Variants in PCDH15 observed in about 807,000 individuals in gnomAD.
The protein encoded by PCDH15 is protocadherin related 15.
In PCDH15, 129 loss-of-function variants were observed where a neutral mutation model predicts 178.5. That is an observed-to-expected ratio of 0.72 (90% CI 0.63 to 0.84). The LOEUF (loss-of-function observed/expected upper bound fraction) is 0.84, where lower values mean the gene tolerates loss of function less well. Ranked by LOEUF, PCDH15 falls within the 40% of genes least tolerant of loss-of-function variation. The pLI is 0.00. For missense variants in PCDH15, 2,230 were observed against 2,099.9 expected, an observed-to-expected ratio of 1.06 and a Z score of -1.21; for synonymous variants, 800 against 732.0, an observed-to-expected ratio of 1.09 and a Z score of -1.50.
intron 18 of PCDH15, among the ~76,000 whole-genome samples, chr10:54,052,590 C>A (rs1317257177): frequency 6.6e-6 from 1 of 152,082 alleles, no homozygotes; most frequent in Non-Finnish European, 1.5e-5. Flanking sequence ...ATTCTACAGG[C>A]TATTAGGTGG....
chr10:54,780,289 G>T (rs895232555), intron 1 of PCDH15, among the ~76,000 whole-genome samples: 27 of 152,078 alleles, frequency 1.8e-4, no homozygotes, highest in African/African-American at 6.5e-4. Flanking sequence ...TATATGCAAT[G>T]GACAGTTATC....
chr10:54,664,668 A>C (rs932099239), intron 1 of PCDH15, among the ~76,000 whole-genome samples: 1 of 151,978 alleles, frequency 6.6e-6, no homozygotes. Context: ...AAAGTGTAAG[A>C]TAGTAAGCCA....
In PCDH15 at chr10:54,238,677, T is replaced by TCC. The variant is rs1186937599; in HGVS notation, c.877-1747_877-1746insGG. On this transcript the variant is annotated intron_variant, in intron 8 of 37. Transcript: ENST00000644397. ...CATGCTGCCTCTCTCTCTCTCTCTC[T>TCC]CACACACACACACACACACACACAC... Among the ~76,000 whole-genome samples the TCC allele has an allele frequency of 2.1e-5, 3 of 144,362 alleles. No individual in the cohort carries two copies. The East Asian group carries it at 6.1e-4, about 29-fold the overall frequency. 94.7% of individuals were successfully genotyped at this position (144,362 alleles called of 152,430 possible).
intron 3 of PCDH15, among the ~76,000 whole-genome samples, chr10:54,455,579 G>GA (rs1249286040): frequency 2.0e-5 from 3 of 152,068 alleles, no homozygotes; most frequent in Non-Finnish European, 2.9e-5. Flanking sequence ...GTATCTGGCA[G>GA]AAAAAATTCT....
At chr10:54,646,223 G>T (rs556336764) in intron 2 of PCDH15, among the ~76,000 whole-genome samples, 31 of 152,188 alleles carry the variant, frequency 2.0e-4, no homozygotes, top group African/African-American at 7.0e-4. Flanking sequence ...CACTTTCGCA[G>T]TATAAATAAC....
chr10:55,521,658 A>G (rs1274667341), intron 2 of PCDH15, among the ~76,000 whole-genome samples: 1 of 151,966 alleles, frequency 6.6e-6, no homozygotes, highest in East Asian at 1.9e-4. Context: ...TGCAGTGAAC[A>G]TGGGCGTGCA....
chr10:55,045,083 A>G (rs1244837712), intron 2 of PCDH15, among the ~76,000 whole-genome samples: 1 of 152,100 alleles, frequency 6.6e-6, no homozygotes, highest in Non-Finnish European at 1.5e-5. Context: ...TCTCTATTAG[A>G]TGCAATACCA....
At chr10:55,205,972 G>A (rs934352999) in intron 1 of PCDH15, among the ~76,000 whole-genome samples, 9 of 151,844 alleles carry the variant, frequency 5.9e-5, no homozygotes, top group Non-Finnish European at 1.0e-4. Flanking sequence ...ATCAGATCTG[G>A]TGAGATCCAT....
intron 2 of PCDH15, among the ~76,000 whole-genome samples, chr10:54,629,450 T>A (rs1055814184): frequency 6.6e-6 from 1 of 152,090 alleles, no homozygotes; most frequent in African/African-American, 2.4e-5. Flanking sequence ...CATACGCAAA[T>A]CAATAAATTT....
At chr10:54,199,551 A>C (rs2050016810) in intron 10 of PCDH15, among the ~76,000 whole-genome samples, 1 of 139,050 alleles carries the variant, frequency 7.2e-6, no homozygotes, top group South Asian at 2.4e-4. Context: ...AAAATGTTGA[A>C]TTTAAACAAC....
chr10:55,223,407 T>G (rs1840940118), intron 1 of PCDH15, among the ~76,000 whole-genome samples: 1 of 152,122 alleles, frequency 6.6e-6, no homozygotes, highest in South Asian at 2.1e-4. Flanking sequence ...ATTATTTTGG[T>G]TTGTTTTGTA....
intron 1 of PCDH15, among the ~76,000 whole-genome samples, chr10:54,780,105 T>A (rs528420892): frequency 6.6e-6 from 1 of 152,304 alleles, no homozygotes; most frequent in Non-Finnish European, 1.5e-5. Flanking sequence ...AGTTCTCAAA[T>A]AATTCTTGCT....
chr10:55,413,283 T>C (rs1052411735), intron 2 of PCDH15, among the ~76,000 whole-genome samples: 4 of 151,320 alleles, frequency 2.6e-5, no homozygotes, highest in Non-Finnish European at 4.4e-5. Flanking sequence ...TTTCAAATCC[T>C]GGCAATAAAA....
intron 1 of PCDH15, among the ~76,000 whole-genome samples, chr10:55,223,373 T>C (rs1004412894): frequency 1.3e-5 from 2 of 152,264 alleles, no homozygotes; most frequent in African/African-American, 4.8e-5. Context: ...TTTTCAAGGA[T>C]ACAGTCAAGA....
At chr10:55,555,528 A>G (rs1471738524) in intron 2 of PCDH15, among the ~76,000 whole-genome samples, 1 of 152,140 alleles carries the variant, frequency 6.6e-6, no homozygotes, top group Non-Finnish European at 1.5e-5. Context: ...TAAATGTTTT[A>G]TTATTCTCTA....
intron 1 of PCDH15, among the ~76,000 whole-genome samples, chr10:54,733,320 A>T (rs1943657573): frequency 1.3e-5 from 2 of 151,664 alleles, no homozygotes; most frequent in South Asian, 4.1e-4. Context: ...TGCATCTCTG[A>T]ATGTTAACAA....
intron 2 of PCDH15, among the ~76,000 whole-genome samples, chr10:54,558,028 AAAACAAAC>A (rs922137743): frequency 3.9e-5 from 6 of 152,124 alleles, no homozygotes; most frequent in Non-Finnish European, 5.9e-5. Flanking sequence ...AGCCAAAACA[AAAACAAAC>A]AAACAAACAA....
chr10:54,174,635 A>AACTTTTTC, intron 13 of PCDH15, among the ~76,000 whole-genome samples: 1 of 151,916 alleles, frequency 6.6e-6, no homozygotes, highest in Middle Eastern at 3.4e-3. Flanking sequence ...TTTCAAGAAT[A>AACTTTTTC]ACTTTTTCCA....
At chr10:54,750,850 G>A (rs1468773425) in intron 1 of PCDH15, among the ~76,000 whole-genome samples, 1 of 151,920 alleles carries the variant, frequency 6.6e-6, no homozygotes, top group Non-Finnish European at 1.5e-5. Context: ...AATTCAAAAT[G>A]TTCTTCCAAA....
Sources: allele counts gnomAD v4.1 joint callset (sites outside exome capture counted in the v4.1 genomes callset), GRCh38; gene constraint gnomAD v4.1.1; transcripts MANE v1.5; gene names NCBI Gene and HGNC (gene_info 2026-07-23, HGNC 2026-07-21).